Variants in VPS35L observed in about 807,000 individuals in gnomAD.
VPS35L encodes VPS35 endosomal protein-sorting factor-like.
A neutral mutation model predicts 133.0 loss-of-function variants in VPS35L; 83 were observed. The observed-to-expected ratio is 0.62, with a 90% CI of 0.52 to 0.75. VPS35L has a LOEUF of 0.75. Ranked by LOEUF, VPS35L falls within the 30% of genes least tolerant of loss-of-function variation. The pLI is 0.00. For synonymous variants in VPS35L, 423 were observed against 449.9 expected (o/e 0.94, Z 0.76); for missense variants, 1,083 against 1,206.8 (o/e 0.90, Z 1.52).
At chr16:19,558,168 A>C (rs1192061755) in intron 1 of VPS35L, among the ~76,000 whole-genome samples, 1 of 152,254 alleles carries the variant, frequency 6.6e-6, no homozygotes, top group Admixed American at 6.5e-5. Flanking sequence ...ATGAATGAGG[A>C]AACTGAGGAG....
intron 2 of VPS35L, among the ~76,000 whole-genome samples, chr16:19,568,714 C>T (rs184765553): frequency 1.0e-3 from 152 of 152,178 alleles, no homozygotes; most frequent in East Asian, 6.8e-3. Flanking sequence ...GGTGCGATCT[C>T]GGCTCACTGC....
chr16:19,687,366 C>T (rs1047907312), intron 28 of VPS35L, among the ~76,000 whole-genome samples: 2 of 152,184 alleles, frequency 1.3e-5, no homozygotes, highest in Non-Finnish European at 2.9e-5. Flanking sequence ...TTTTGCTGCC[C>T]TGCACAATCA....
At position 19,601,731 on chromosome 16, in the gene VPS35L, C is replaced by A. The variant is rs370295713; in HGVS notation, c.784+8C>A. 6.2e-7 allele frequency: 1 copy of A among 1,613,892 alleles called. No homozygotes were observed. Among genetic ancestry groups the A allele is most frequent in the Admixed American group, 1.7e-5 (1 of 60,006 alleles). ...GCCGCAGCGTCTTACCAGGTAATGT[C>A]GCAGCTGTTCCTGGGGTGTCATTCT... On this transcript the variant is annotated splice_region_variant and intron_variant, in intron 9 of 30. Transcript: ENST00000417362.
intron 9 of VPS35L, among the ~76,000 whole-genome samples, chr16:19,603,805 C>T (rs897266587): frequency 6.6e-6 from 1 of 152,212 alleles, no homozygotes; most frequent in African/African-American, 2.4e-5. Context: ...AATCTCAGCT[C>T]ACTGCAACCT....
At chr16:19,591,703 T>C in intron 7 of VPS35L, 87 bp from the exon 8 acceptor site, 3 of 1,007,570 alleles carry the variant, frequency 3.0e-6, no homozygotes, top group African/African-American at 1.6e-5. Context: ...AACTTGTATA[T>C]AGAAACCATT....
chr16:19,618,374 C>T (rs906390830), intron 14 of VPS35L, among the ~76,000 whole-genome samples: 1 of 152,100 alleles, frequency 6.6e-6, no homozygotes, highest in African/African-American at 2.4e-5. Context: ...ACGGTTTGTT[C>T]ACGGTAGTGC....
intron 21 of VPS35L, among the ~76,000 whole-genome samples, chr16:19,640,693 C>T (rs1973760643): frequency 6.6e-6 from 1 of 152,180 alleles, no homozygotes; most frequent in South Asian, 2.1e-4. Flanking sequence ...CCCAAAACTG[C>T]CCGACTGCTA....
At chr16:19,645,578 T>C (rs905094727) in intron 23 of VPS35L, among the ~76,000 whole-genome samples, 1 of 152,178 alleles carries the variant, frequency 6.6e-6, no homozygotes, top group Non-Finnish European at 1.5e-5. Context: ...CGTGAGCCAC[T>C]GCACCCAGCC....
chr16:19,664,625 G>A (rs745785513), intron 26 of VPS35L, among the ~76,000 whole-genome samples: 5 of 151,870 alleles, frequency 3.3e-5, no homozygotes, highest in Non-Finnish European at 7.4e-5. Flanking sequence ...TCCCAGCAGG[G>A]AACGGTGGCT....
At chr16:19,650,992 C>T (rs1393341544) in intron 25 of VPS35L, among the ~76,000 whole-genome samples, 1 of 150,820 alleles carries the variant, frequency 6.6e-6, no homozygotes, top group East Asian at 2.0e-4. Context: ...GATTCTCCTA[C>T]CTCAACCTCC....
intron 15 of VPS35L, among the ~76,000 whole-genome samples, chr16:19,627,321 G>A (rs75410059): frequency 0.051 from 7,711 of 151,444 alleles, 639 homozygotes; most frequent in African/African-American, 0.17. Flanking sequence ...TTGCATAAAC[G>A]ATGTGGATAT....
chr16:19,568,306 C>CCTT (rs1467923321), intron 2 of VPS35L, among the ~76,000 whole-genome samples: 1 of 145,000 alleles, frequency 6.9e-6, no homozygotes, highest in African/African-American at 2.5e-5. Flanking sequence ...CCGCCCCCCC[C>CCTT]TTTTTTTTTT....
Position 19,575,133 on chromosome 16 carries a change from TTTG to T in VPS35L, c.433+20_433+22del, listed in dbSNP as rs1219921046. On this transcript the variant is annotated intron_variant, in intron 5 of 30. Coordinates refer to ENST00000417362, the MANE Select transcript of VPS35L (RefSeq NM_020314.7). ...TGGGATCTGAAAAAGGTAAGATGAG[TTTG>T]TTGTTGTTTTGATGGGAAAATTCTG... 17 of 1,605,252 alleles carry T rather than the reference TTTG, an allele frequency of 1.1e-5. No individual in the cohort carries two copies. Among genetic ancestry groups the T allele is most frequent in the Middle Eastern group, 1.7e-4 (1 of 6,042 alleles).
rs149663322 is a variant in VPS35L at position 19,675,547 on chromosome 16, A to G, written c.2361+6248A>G. On this transcript the variant is annotated intron_variant, in intron 27 of 30. Transcript: ENST00000417362. The stretch of plus-strand genomic sequence containing the variant: ...ATTTTTAATTTTTTTAGGAAACTCC[A>G]TACTGTTTTTGTTTTGTTTTGTTTT... Among the ~76,000 whole-genome samples the G allele has an allele frequency of 2.0e-3, 310 of 151,722 alleles. 2 individuals are homozygous for G. Among genetic ancestry groups the G allele is most frequent in the African/African-American group, 6.8e-3 (283 of 41,346 alleles).
intron 8 of VPS35L, among the ~76,000 whole-genome samples, chr16:19,592,130 A>T (rs1460876423): frequency 1.3e-5 from 2 of 151,490 alleles, no homozygotes; most frequent in Non-Finnish European, 2.9e-5. Flanking sequence ...ACTGGAGGGC[A>T]GTGGCGCAGT....
At chr16:19,590,533 A>G (rs1972012403) in intron 7 of VPS35L, among the ~76,000 whole-genome samples, 1 of 152,186 alleles carries the variant, frequency 6.6e-6, no homozygotes, top group Admixed American at 6.6e-5. Flanking sequence ...CAAAGTAGAA[A>G]GAGCTTTTCT....
At chr16:19,687,848 C>A (rs1975517263) in intron 28 of VPS35L, among the ~76,000 whole-genome samples, 5 of 152,042 alleles carry the variant, frequency 3.3e-5, no homozygotes, top group Admixed American at 2.0e-4. Flanking sequence ...CGCGGTGGCT[C>A]ATGCCTGTAA....
At chr16:19,557,416 C>T (rs1050661723) in intron 1 of VPS35L, among the ~76,000 whole-genome samples, 2 of 152,128 alleles carry the variant, frequency 1.3e-5, no homozygotes, top group South Asian at 2.1e-4. Flanking sequence ...TTTGTTGAGA[C>T]GGAGTCTCGC....
chr16:19,647,732 TTCTC>T (rs1973995147), intron 23 of VPS35L, 48 bp from the exon 24 acceptor site: 2 of 1,414,004 alleles, frequency 1.4e-6, no homozygotes, highest in African/African-American at 2.8e-5. Flanking sequence ...TGTGCCTGCG[TTCTC>T]TCTAAAAATA....
Sources: gnomAD v4.1 joint callset for allele counts (sites outside exome capture counted in the v4.1 genomes callset) on GRCh38, gnomAD v4.1.1 for gene constraint, MANE v1.5 for transcripts, NCBI Gene and HGNC (gene_info 2026-07-23, HGNC 2026-07-21) for gene names.